The following NRG3 variants were observed in gnomAD, a reference collection of about 807,000 sequenced individuals.
The protein encoded by NRG3 is pro-neuregulin-3, membrane-bound isoform.
NRG3 carries 31 observed loss-of-function variants against 66.9 expected under a neutral mutation model. The observed-to-expected ratio is 0.46, with a 90% CI of 0.35 to 0.63. The LOEUF is 0.63. NRG3 is among the 20% of genes least tolerant of loss of function. The pLI, the probability that NRG3 is intolerant of heterozygous loss-of-function variation, is 0.00. For synonymous variants in NRG3, 393 were observed against 359.4 expected (o/e 1.09, Z -1.06); for missense variants, 910 against 878.9 (o/e 1.04, Z -0.45).
At chr10:82,533,455 T>A (rs927843602) in intron 2 of NRG3, among the ~76,000 whole-genome samples, 6 of 151,422 alleles carry the variant, frequency 4.0e-5, no homozygotes, top group Non-Finnish European at 8.9e-5. Context: ...CCGTTTTGAT[T>A]TTTTTTTTGC....
In NRG3 at chr10:81,938,196, G is replaced by C. The variant is rs1014868947; in HGVS notation, c.823+62033G>C. ...CTTGCAGCTTTGCTTTTCTTTCTTTGTTTTGGCTATTCAGGATTCTTTTAG... is the reference window on the plus strand; with the variant it reads ...CTTGCAGCTTTGCTTTTCTTTCTTTCTTTTGGCTATTCAGGATTCTTTTAG... On this transcript the variant is annotated intron_variant, in intron 1 of 8. Coordinates refer to ENST00000372141, the MANE Select transcript of NRG3 (RefSeq NM_001010848.4). Among the ~76,000 whole-genome samples, 7 of 151,734 alleles carry C rather than the reference G, an allele frequency of 4.6e-5. No homozygotes were observed. The East Asian group carries it at 5.8e-4, about 13-fold the overall frequency.
At chr10:82,362,433 G>A (rs551412996) in intron 2 of NRG3, among the ~76,000 whole-genome samples, 1 of 149,700 alleles carries the variant, frequency 6.7e-6, no homozygotes, top group East Asian at 2.0e-4. Flanking sequence ...GAGCACAGTG[G>A]TATGATCTTG....
In NRG3 at chr10:82,371,198, T is replaced by C. The variant is rs571071561; in HGVS notation, c.953+12330T>C. Among the ~76,000 whole-genome samples, 132 of 152,102 alleles carry C rather than the reference T, an allele frequency of 8.7e-4. 2 individuals are homozygous for C. Among genetic ancestry groups the C allele is most frequent in the Non-Finnish European group, 2.4e-4 (16 of 68,022 alleles). On this transcript the variant is annotated intron_variant, in intron 2 of 8. Coordinates refer to ENST00000372141, the MANE Select transcript of NRG3 (RefSeq NM_001010848.4). ...TATTTGGGATTATAGGGAAACGCAT[T>C]CTAGGCTGGTAAACTGAGGGAAAAT...
intron 1 of NRG3, among the ~76,000 whole-genome samples, chr10:82,279,930 A>G (rs2079045521): frequency 6.6e-6 from 1 of 152,172 alleles, no homozygotes; most frequent in Admixed American, 6.6e-5. Context: ...ATACTTAGCT[A>G]TTGAATCTAC....
Position 82,965,608 on chromosome 10 carries a change from C to T in NRG3, c.1284+6533C>T, listed in dbSNP as rs113332909. Among the ~76,000 whole-genome samples the T allele has an allele frequency of 6.9e-3, 1,042 of 152,012 alleles. 10 individuals are homozygous for T. Among genetic ancestry groups the T allele is most frequent in the African/African-American group, 0.024 (981 of 41,488 alleles). On this transcript the variant is annotated intron_variant, in intron 6 of 8. Transcript: ENST00000372141. ...AAAATTAGCCGGGCGTGGTGGTGGGCGCCTGTAATCCCACCTACTCAGGAG... is the reference window on the plus strand; with the variant it reads ...AAAATTAGCCGGGCGTGGTGGTGGGTGCCTGTAATCCCACCTACTCAGGAG...
chr10:82,284,620 T>C (rs750526784), intron 1 of NRG3, among the ~76,000 whole-genome samples: 1 of 152,246 alleles, frequency 6.6e-6, no homozygotes, highest in African/African-American at 2.4e-5. Flanking sequence ...AATAACTTTC[T>C]GTATTTTTGT....
chr10:82,610,720 A>C (rs1409439190), intron 2 of NRG3, among the ~76,000 whole-genome samples: 2 of 152,192 alleles, frequency 1.3e-5, no homozygotes, highest in Admixed American at 6.5e-5. Context: ...TATTCTTCTT[A>C]CTTTCTTGAG....
intron 1 of NRG3, among the ~76,000 whole-genome samples, chr10:82,353,094 T>G (rs774646761): frequency 4.6e-5 from 7 of 152,126 alleles, no homozygotes; most frequent in Non-Finnish European, 8.8e-5. Context: ...GCTACTAGGT[T>G]TCTGGCCTGG....
chr10:82,962,170 A>G (rs906245914), intron 6 of NRG3, among the ~76,000 whole-genome samples: 5 of 152,222 alleles, frequency 3.3e-5, no homozygotes, highest in African/African-American at 1.2e-4. Context: ...CCTGAGAAGC[A>G]TCTAGTCCCT....
At chr10:82,903,773 G>A (rs1431497871) in intron 4 of NRG3, among the ~76,000 whole-genome samples, 1 of 151,962 alleles carries the variant, frequency 6.6e-6, no homozygotes, top group African/African-American at 2.4e-5. Flanking sequence ...GTCAACATTA[G>A]GCTATTAGTA....
chr10:82,314,718 G>A (rs2081206263), intron 1 of NRG3, among the ~76,000 whole-genome samples: 1 of 152,220 alleles, frequency 6.6e-6, no homozygotes, highest in Non-Finnish European at 1.5e-5. Flanking sequence ...GCTGAGGCAG[G>A]AGAATGGCGT....
rs560613512 is a variant in NRG3, at chr10:82,133,635, C to A, written c.824-225104C>A. On this transcript the variant is annotated intron_variant, in intron 1 of 8. Coordinates refer to ENST00000372141, the MANE Select transcript of NRG3 (RefSeq NM_001010848.4). ...CATAGTATTCCATGGTGTATATGTA[C>A]CACGTTTTCTTTATATTGTCTATCA... Among the ~76,000 whole-genome samples the A allele has an allele frequency of 3.2e-4, 48 of 152,168 alleles. No individual in the cohort carries two copies. The South Asian group carries it at 1.0e-2, about 32-fold the overall frequency.
chr10:82,079,639 C>G (rs774579058), intron 1 of NRG3, among the ~76,000 whole-genome samples: 4 of 152,174 alleles, frequency 2.6e-5, no homozygotes, highest in Non-Finnish European at 4.4e-5. Context: ...CTCTCCACCC[C>G]CAAACCCCTG....
intron 1 of NRG3, among the ~76,000 whole-genome samples, chr10:81,880,414 A>T (rs1170997551): frequency 6.6e-6 from 1 of 152,158 alleles, no homozygotes. Context: ...AACAAAAAAA[A>T]ACCCAGCTGG....
intron 2 of NRG3, among the ~76,000 whole-genome samples, chr10:82,424,495 G>C (rs2089290221): frequency 6.6e-6 from 1 of 151,820 alleles, no homozygotes; most frequent in South Asian, 2.1e-4. Context: ...GGTGATTTGT[G>C]TTTTTATCAT....
intron 2 of NRG3, among the ~76,000 whole-genome samples, chr10:82,517,624 ACCCCG>A (rs1225336816): frequency 1.2e-3 from 105 of 90,624 alleles, no homozygotes; most frequent in Middle Eastern, 6.0e-3. Context: ...TCTCTCTCTC[ACCCCG>A]CCCCCCCGTG....
At chr10:82,356,290 C>G (rs2083772826) in intron 1 of NRG3, among the ~76,000 whole-genome samples, 1 of 152,104 alleles carries the variant, frequency 6.6e-6, no homozygotes, top group South Asian at 2.1e-4. Context: ...ACTTTTTATG[C>G]TGTAGATTAT....
chr10:82,591,834 T>G (rs1457504154), intron 2 of NRG3, among the ~76,000 whole-genome samples: 1 of 152,228 alleles, frequency 6.6e-6, no homozygotes, highest in African/African-American at 2.4e-5. Flanking sequence ...TTTTCTTTCT[T>G]CAGTCACTTA....
intron 2 of NRG3, among the ~76,000 whole-genome samples, chr10:82,662,308 C>T (rs540323919): frequency 6.6e-6 from 1 of 151,892 alleles, no homozygotes; most frequent in Non-Finnish European, 1.5e-5. Context: ...TATAATCACA[C>T]TCTGCTTTAG....
Sources: gnomAD v4.1 joint callset for allele counts (sites outside exome capture counted in the v4.1 genomes callset) on GRCh38, gnomAD v4.1.1 for gene constraint, MANE v1.5 for transcripts, NCBI Gene and HGNC (gene_info 2026-07-23, HGNC 2026-07-21) for gene names.